SSPN: variants seen among roughly 807,000 people sequenced by gnomAD.
SSPN encodes the protein K-ras oncogene-associated protein.
Under a neutral mutation model 19.1 loss-of-function variants are expected in SSPN, and 15 were observed. That is an observed-to-expected ratio of 0.78 (90% CI 0.52 to 1.21). The LOEUF (loss-of-function observed/expected upper bound fraction) is 1.21. Among genes scored for constraint, SSPN ranks in the 50% most tolerant of loss-of-function variants. The pLI, the probability that SSPN is intolerant of heterozygous loss-of-function variation, is 0.00. For missense variants in SSPN, 291 were observed against 314.0 expected (o/e 0.93, Z 0.55); for synonymous variants, 147 against 140.3 (o/e 1.05, Z -0.34).
Position 26,174,671 on chromosome 12 carries a change from C to T in SSPN, c.-30-49622C>T, listed in dbSNP as rs183527328. On this transcript the variant is annotated intron_variant, in intron 1 of 2. Coordinates refer to the SSPN transcript ENST00000538142. ...AAGTAGCTAGGACTACAGGTGCATG[C>T]CACCACACCCGGCTCATTTTTGTAT... 5.6e-4 allele frequency among the ~76,000 whole-genome samples: 86 copies of T among 152,230 alleles called. No homozygotes were observed. The East Asian group carries it at 7.1e-3, about 13-fold the overall frequency.
intron 1 of SSPN, chr12:26,126,617 TCC>T (rs1195354097): frequency 6.6e-6 from 1 of 151,700 alleles, no homozygotes; most frequent in African/African-American, 2.4e-5. Flanking sequence ...GAGTCGCGTC[TCC>T]TCCCCGACTC....
intron 1 of SSPN, chr12:26,123,910 A>G: frequency 2.7e-6 from 2 of 741,422 alleles, no homozygotes; most frequent in Non-Finnish European, 4.7e-6. Context: ...TCTTGCCTTC[A>G]GCTGGGAGCA....
intron 1 of SSPN, chr12:26,122,619 G>GCCA: frequency 8.6e-7 from 1 of 1,168,046 alleles, no homozygotes; most frequent in Non-Finnish European, 1.1e-6. Context: ...GGCTGCCGCC[G>GCCA]CCGCCGCGCC....
chr12:26,200,412 G>A lies in SSPN; in HGVS notation c.279+4461G>A, dbSNP rs139688704. Among the ~76,000 whole-genome samples, 756 of 152,282 alleles carry A rather than the reference G, an allele frequency of 5.0e-3. 3 individuals are homozygous for A. Among genetic ancestry groups the A allele is most frequent in the Admixed American group, 9.4e-3 (144 of 15,302 alleles). Reference sequence around the variant, plus strand: ...TTCAGGTTTTAAAAACCGATTTTAAGTCTTGCCTTAATGGAAGGGAAAATT... The same window carrying A: ...TTCAGGTTTTAAAAACCGATTTTAAATCTTGCCTTAATGGAAGGGAAAATT... On this transcript the variant is annotated intron_variant, in intron 1 of 2. Coordinates refer to ENST00000242729, the MANE Select transcript of SSPN (RefSeq NM_005086.5).
intron 1 of SSPN, among the ~76,000 whole-genome samples, chr12:26,160,826 G>A (rs1196381454): frequency 2.0e-5 from 3 of 152,080 alleles, no homozygotes; most frequent in South Asian, 2.1e-4. Context: ...AATCAAAGTC[G>A]ACTGGGCATG....
At chr12:26,222,534 T>C (rs2137507502) in intron 1 of SSPN, among the ~76,000 whole-genome samples, 1 of 152,342 alleles carries the variant, frequency 6.6e-6, no homozygotes, top group Middle Eastern at 3.4e-3. Context: ...GCAAACCAGT[T>C]GTTTAATGAC....
intron 1 of SSPN, among the ~76,000 whole-genome samples, chr12:26,150,735 T>C (rs1238523816): frequency 6.6e-6 from 1 of 152,122 alleles, no homozygotes; most frequent in Non-Finnish European, 1.5e-5. Context: ...ATGCTGTGAG[T>C]GCTAGTGGAT....
At chr12:26,147,455 G>T (rs879383285) in intron 1 of SSPN, among the ~76,000 whole-genome samples, 1 of 152,120 alleles carries the variant, frequency 6.6e-6, no homozygotes, top group Admixed American at 6.5e-5. Flanking sequence ...TATTTTTGTA[G>T]AGATGGGGTT....
chr12:26,230,158 C>T (rs1057482300), intron 2 of SSPN, among the ~76,000 whole-genome samples: 1 of 152,154 alleles, frequency 6.6e-6, no homozygotes, highest in Non-Finnish European at 1.5e-5. Context: ...TCCCAGCAAC[C>T]TCCTACTGGG....
chr12:26,182,549 A>G (rs1360745553), intron 1 of SSPN, among the ~76,000 whole-genome samples: 2 of 151,076 alleles, frequency 1.3e-5, no homozygotes, highest in Non-Finnish European at 2.9e-5. Context: ...TTAGTTTGGT[A>G]TCTGGACCCC....
At chr12:26,156,301 G>A (rs956832109) in intron 1 of SSPN, among the ~76,000 whole-genome samples, 2 of 152,188 alleles carry the variant, frequency 1.3e-5, no homozygotes, top group African/African-American at 4.8e-5. Context: ...GCTGTCTGCA[G>A]CGTTAGAAAG....
intron 1 of SSPN, among the ~76,000 whole-genome samples, chr12:26,213,264 A>C (rs1945011022): frequency 7.1e-6 from 1 of 140,240 alleles, no homozygotes; most frequent in Non-Finnish European, 1.6e-5. Flanking sequence ...GGTTTGTAAC[A>C]GAAATAAAAA....
intron 1 of SSPN, among the ~76,000 whole-genome samples, chr12:26,165,708 A>G (rs1279371393): frequency 6.6e-6 from 1 of 152,186 alleles, no homozygotes; most frequent in Admixed American, 6.5e-5. Flanking sequence ...TTTATACTTT[A>G]GTTTTACAGT....
Position 26,122,780 on chromosome 12 carries a change from T to C in SSPN, c.-31+628T>C, listed in dbSNP as rs1254794546. ...TCTCGCGGTCCGGCCGGGCCTCGGC[T>C]TCGCCGCCGTAGCCGCTGTCGGTGT... is the stretch of plus-strand genomic sequence containing the variant. On this transcript the variant is annotated intron_variant, in intron 1 of 2. Coordinates refer to the SSPN transcript ENST00000538142. 6.9e-6 allele frequency: 11 copies of C among 1,586,316 alleles called. No homozygotes were observed. The African/African-American group carries it at 1.4e-4, about 20-fold the overall frequency.
intron 1 of SSPN, among the ~76,000 whole-genome samples, chr12:26,156,758 G>A (rs1944558268): frequency 6.6e-6 from 1 of 152,236 alleles, no homozygotes; most frequent in African/African-American, 2.4e-5. Flanking sequence ...TGTAAAGGTG[G>A]TTGGCAGGAA....
intron 1 of SSPN, among the ~76,000 whole-genome samples, chr12:26,216,982 G>C (rs10437764): frequency 7.7e-6 from 1 of 129,668 alleles, no homozygotes; most frequent in African/African-American, 2.8e-5. Flanking sequence ...CTGTAGCCTT[G>C]TAGTATAGTT....
At chr12:26,220,824 T>C (rs999037804) in intron 1 of SSPN, among the ~76,000 whole-genome samples, 1 of 152,204 alleles carries the variant, frequency 6.6e-6, no homozygotes, top group Non-Finnish European at 1.5e-5. Context: ...CATCTTTACC[T>C]TAATCAGTCT....
At chr12:26,147,030 G>T (rs1284668725) in intron 1 of SSPN, among the ~76,000 whole-genome samples, 1 of 152,084 alleles carries the variant, frequency 6.6e-6, no homozygotes, top group African/African-American at 2.4e-5. Context: ...GGATTCGGGT[G>T]CCTGAACAAA....
intron 1 of SSPN, among the ~76,000 whole-genome samples, chr12:26,162,003 G>C (rs554575029): frequency 6.6e-6 from 1 of 152,250 alleles, no homozygotes; most frequent in African/African-American, 2.4e-5. Context: ...GGGACCAGTG[G>C]TCTAGAATAG....
Sources: allele counts gnomAD v4.1 joint callset (sites outside exome capture counted in the v4.1 genomes callset), GRCh38; gene constraint gnomAD v4.1.1; transcripts MANE v1.5; gene names NCBI Gene and HGNC (gene_info 2026-07-23, HGNC 2026-07-21).